Variants in PIWIL1 observed in about 807,000 individuals in gnomAD.
PIWIL1 encodes the protein piwi like RNA-mediated gene silencing 1.
In PIWIL1, 73 loss-of-function variants were observed where a neutral mutation model predicts 114.4. The ratio of observed to expected loss-of-function variants is 0.64; its 90% CI spans 0.53 to 0.78. The LOEUF (loss-of-function observed/expected upper bound fraction) is 0.78. Ranked by LOEUF, PIWIL1 falls within the 30% of genes least tolerant of loss-of-function variation. The pLI is 0.00. For missense variants in PIWIL1, 723 were observed against 1,063.1 expected (o/e 0.68, Z 4.45); for synonymous variants, 375 against 369.0 (o/e 1.02, Z -0.19).
At chr12:130,405,051 T>C in the PIWIL1 span, among the ~76,000 whole-genome samples, 18 of 152,188 alleles carry the variant, frequency 1.2e-4, no homozygotes, top group Non-Finnish European at 2.2e-4. Flanking sequence ...GATTTACATG[T>C]GGAAAGTGAA....
the PIWIL1 span, among the ~76,000 whole-genome samples, chr12:130,381,439 G>A: frequency 2.0e-5 from 3 of 152,138 alleles, no homozygotes; most frequent in Admixed American, 2.0e-4. Context: ...ACTTTCTCAG[G>A]TTGGCTTCTC....
the PIWIL1 span, chr12:130,396,407 A>C: frequency 5.2e-5 from 8 of 152,694 alleles, no homozygotes; most frequent in Non-Finnish European, 1.2e-4. Flanking sequence ...ATTACAAAAG[A>C]GTAACCATCA....
chr12:130,394,880 G>A, the PIWIL1 span, among the ~76,000 whole-genome samples: 1 of 147,362 alleles, frequency 6.8e-6, no homozygotes, highest in African/African-American at 2.5e-5. Flanking sequence ...ATATACATAG[G>A]AAAGTCATAA....
At chr12:130,370,540 G>A (rs1158342010) in intron 19 of PIWIL1, among the ~76,000 whole-genome samples, 1 of 152,172 alleles carries the variant, frequency 6.6e-6, no homozygotes. Context: ...CTGGGCATCC[G>A]AGGATTTTGG....
At chr12:130,359,808 T>C (rs2073460888) in intron 14 of PIWIL1, among the ~76,000 whole-genome samples, 1 of 152,116 alleles carries the variant, frequency 6.6e-6, no homozygotes, top group Non-Finnish European at 1.5e-5. Flanking sequence ...AATGACAATA[T>C]GAGATTAAGA....
the PIWIL1 span, among the ~76,000 whole-genome samples, chr12:130,413,416 G>C: frequency 6.6e-6 from 1 of 152,088 alleles, no homozygotes; most frequent in Non-Finnish European, 1.5e-5. Context: ...GATCACTTAA[G>C]ATCAGGAGTT....
Position 130,343,027 on chromosome 12 carries a change from C to A in PIWIL1, c.116C>A (p.Pro39Gln). The A allele has an allele frequency of 6.2e-7, 1 of 1,614,048 alleles. No homozygotes were observed. The highest frequency in any genetic ancestry group is 8.5e-7 in the Non-Finnish European group (1 of 1,179,940). Residue 39 changes from proline (P) to glutamine (Q), a missense_variant, in exon 3 of 21, where the codon CCG (proline) becomes CAG (glutamine). Physicochemically the swap from Pro to Gln is moderately conservative, Grantham distance 76. Transcript: ENST00000245255. ...QPGYIQPRPQ[P>Q]PPAEGELFGR... ...GGTTATATTCAGCCTAGGCCTCAGC[C>A]GCCACCAGCAGAGGGGGAATTATTT...
At chr12:130,378,033 T>C in the PIWIL1 span, among the ~76,000 whole-genome samples, 1 of 152,382 alleles carries the variant, frequency 6.6e-6, no homozygotes, top group South Asian at 2.1e-4. Flanking sequence ...GTCTAGTTTA[T>C]TTACATAAAG....
rs535449087 is a variant in PIWIL1, at chr12:130,352,957, C to T, written c.1045-1580C>T. On this transcript the variant is annotated intron_variant, in intron 9 of 20. Coordinates refer to ENST00000245255, the MANE Select transcript of PIWIL1 (RefSeq NM_004764.5). ...GAAGCAGAGGTCAGATGTGAGTGTT[C>T]TACTTAAAATTTTCTTATTTGAAAC... Among the ~76,000 whole-genome samples the T allele has an allele frequency of 3.3e-5, 5 of 152,278 alleles. No homozygotes were observed. The South Asian group carries it at 8.3e-4, about 25-fold the overall frequency.
rs986478754 is a variant in PIWIL1, at chr12:130,371,956, A to G, written c.*358A>G. ...TTTCAGGAGTGAGCAAGTCCTACTTATAAACCTATATTAACTTTATTTTTG... is the reference window on the plus strand; with the variant it reads ...TTTCAGGAGTGAGCAAGTCCTACTTGTAAACCTATATTAACTTTATTTTTG... On this transcript the variant is annotated 3_prime_UTR_variant, in exon 21 of 21. Transcript: ENST00000245255. The G allele has an allele frequency of 6.3e-6, 1 of 158,716 alleles. No individual in the cohort carries two copies. Among genetic ancestry groups the G allele is most frequent in the Non-Finnish European group, 1.4e-5 (1 of 72,672 alleles). The allele number at this position is 158,716 out of a possible 1,614,324, so 9.8% of individuals were successfully genotyped here.
chr12:130,361,297 C>T lies in PIWIL1; in HGVS notation c.1783C>T (p.Gln595Ter). 1 of 1,613,996 alleles carries T rather than the reference C, an allele frequency of 6.2e-7. No homozygotes were observed. Among genetic ancestry groups the T allele is most frequent in the Non-Finnish European group, 8.5e-7 (1 of 1,179,934 alleles). ...CVVARTLGKQ[Q>*]TVMAIATKIA... ...GGTGGCCCGAACCTTAGGCAAACAGCAAACTGTCATGGCCATTGCTACAAA... is the reference window on the plus strand; with the variant it reads ...GGTGGCCCGAACCTTAGGCAAACAGTAAACTGTCATGGCCATTGCTACAAA... Residue 595 changes from glutamine to a stop codon, truncating the protein, a stop_gained, in exon 15 of 21, where the codon CAA (glutamine) becomes TAA (stop). Coordinates refer to ENST00000245255, the MANE Select transcript of PIWIL1 (RefSeq NM_004764.5). LOFTEE classifies it high-confidence loss of function.
In PIWIL1 at chr12:130,343,091, C is replaced by A; in HGVS notation, c.180C>A (p.Ala60=). Reference sequence around the variant, plus strand: ...AGAGAGGAACAGCAGGAGGAACAGCCAAGTCACAAGGTGAAGAGAAAGTAA... The same window carrying A: ...AGAGAGGAACAGCAGGAGGAACAGCAAAGTCACAAGGTGAAGAGAAAGTAA... ...GRQRGTAGGT[A]KSQGLQISAG... is the part of the protein sequence containing the mutation. Residue 60 remains alanine (A), a synonymous_variant, in exon 3 of 21, where the codon GCC becomes GCA. Transcript: ENST00000245255. The A allele has an allele frequency of 8.1e-6, 13 of 1,611,754 alleles. No homozygotes were observed. Among genetic ancestry groups the A allele is most frequent in the Non-Finnish European group, 1.1e-5 (13 of 1,178,266 alleles).
At chr12:130,340,912 T>C (rs2072902412) in intron 1 of PIWIL1, among the ~76,000 whole-genome samples, 1 of 152,204 alleles carries the variant, frequency 6.6e-6, no homozygotes, top group African/African-American at 2.4e-5. Context: ...TAGAGTCATA[T>C]TGTAAGGGGT....
chr12:130,406,265 T>A, the PIWIL1 span: 2 of 1,522,738 alleles, frequency 1.3e-6, no homozygotes, highest in Non-Finnish European at 1.8e-6. Flanking sequence ...AAACATAAAA[T>A]TAATCGTATT....
At chr12:130,361,467 T>G in intron 15 of PIWIL1, 31 bp from the exon 16 acceptor site, 1 of 1,610,900 alleles carries the variant, frequency 6.2e-7, no homozygotes, top group Non-Finnish European at 8.5e-7. Flanking sequence ...GGTACTCCAT[T>G]GTATCTAAAA....
chr12:130,403,611 C>T, the PIWIL1 span, among the ~76,000 whole-genome samples: 1 of 152,206 alleles, frequency 6.6e-6, no homozygotes, highest in Non-Finnish European at 1.5e-5. Context: ...TAAAGGATCT[C>T]TCTCTGGGCA....
intron 13 of PIWIL1, 31 bp from the exon 14 acceptor site, chr12:130,357,450 C>CT (rs1249606085): frequency 6.5e-7 from 1 of 1,541,940 alleles, no homozygotes; most frequent in Non-Finnish European, 9.0e-7. Context: ...GCTACTGTGT[C>CT]TGAGTGTTGG....
chr12:130,342,480 C>T (rs888260067), intron 1 of PIWIL1, 100 bp from the exon 2 acceptor site: 9 of 706,266 alleles, frequency 1.3e-5, no homozygotes, highest in Non-Finnish European at 1.5e-5. Flanking sequence ...GCCTGGGGAG[C>T]TTACTTTTGA....
chr12:130,349,542 A>G (rs1169607891), intron 8 of PIWIL1, 106 bp downstream of exon 8: 1 of 763,486 alleles, frequency 1.3e-6, no homozygotes, highest in Admixed American at 2.4e-5. Flanking sequence ...AGTGGTGGGA[A>G]TAGCACAAAA....
Sources: gnomAD v4.1 joint callset for allele counts (sites outside exome capture counted in the v4.1 genomes callset) on GRCh38, gnomAD v4.1.1 for gene constraint, MANE v1.5 for transcripts, NCBI Gene and HGNC (gene_info 2026-07-23, HGNC 2026-07-21) for gene names.